ST8SIA2: variants seen among roughly 807,000 people sequenced by gnomAD.
The protein encoded by ST8SIA2 is alpha-2,8-sialyltransferase 8B.
In ST8SIA2, 22 loss-of-function variants were observed where a neutral mutation model predicts 37.6. That is an observed-to-expected ratio of 0.58 (90% CI 0.42 to 0.83). ST8SIA2 has a LOEUF of 0.83. Among genes scored for constraint, ST8SIA2 ranks in the 40% least tolerant of loss-of-function variants. The pLI is 0.00. For synonymous variants in ST8SIA2, 205 were observed against 201.2 expected (o/e 1.02, Z -0.16); for missense variants, 382 against 484.7 (o/e 0.79, Z 1.99).
At chr15:92,420,427 C>A (rs755065229) in intron 1 of ST8SIA2, among the ~76,000 whole-genome samples, 1 of 152,068 alleles carries the variant, frequency 6.6e-6, no homozygotes, top group Non-Finnish European at 1.5e-5. Context: ...TGTGCAGATG[C>A]CTCTAAGTAC....
At chr15:92,427,300 T>TA (rs1400164366) in intron 1 of ST8SIA2, among the ~76,000 whole-genome samples, 3 of 149,208 alleles carry the variant, frequency 2.0e-5, no homozygotes, top group African/African-American at 7.4e-5. Context: ...AATGCATCCC[T>TA]ACTGTCTCTT....
chr15:92,432,472 A>G (rs2141829583), intron 2 of ST8SIA2, among the ~76,000 whole-genome samples: 1 of 152,302 alleles, frequency 6.6e-6, no homozygotes, highest in Non-Finnish European at 1.5e-5. Flanking sequence ...TGTCTCTTCT[A>G]CACCTTGTTT....
intron 4 of ST8SIA2, among the ~76,000 whole-genome samples, chr15:92,440,881 C>T (rs543803209): frequency 1.3e-5 from 2 of 152,336 alleles, no homozygotes; most frequent in South Asian, 2.1e-4. Context: ...GATGGTTTCT[C>T]CCACACAACA....
chr15:92,445,142 A>G, intron 5 of ST8SIA2: 1 of 674,030 alleles, frequency 1.5e-6, no homozygotes, highest in Admixed American at 2.4e-5. Context: ...ATTTTGACCA[A>G]TGGGTAGTGC....
intron 1 of ST8SIA2, among the ~76,000 whole-genome samples, chr15:92,426,229 G>A (rs2049674604): frequency 6.6e-6 from 1 of 152,120 alleles, no homozygotes; most frequent in Non-Finnish European, 1.5e-5. Context: ...TAATAGAATT[G>A]AGTGCTTTGG....
chr15:92,402,536 G>A (rs540018506), intron 1 of ST8SIA2, among the ~76,000 whole-genome samples: 81 of 152,256 alleles, frequency 5.3e-4, no homozygotes, highest in Admixed American at 1.2e-3. Flanking sequence ...GAAGAGATGC[G>A]TGCTTGTATT....
chr15:92,420,310 G>A lies in ST8SIA2; in HGVS notation c.99-9739G>A, dbSNP rs112910090. 3.0e-3 allele frequency among the ~76,000 whole-genome samples: 462 copies of A among 152,246 alleles called. 2 individuals carry two copies. The highest frequency in any genetic ancestry group is 0.01 in the African/African-American group (427 of 41,540). On this transcript the variant is annotated intron_variant, in intron 1 of 5. Transcript: ENST00000268164. ...GGATGATAAGTTATATTGTCCCCCC[G>A]CCGGTTATAGGTGACCCACAGTTTC...
At chr15:92,430,309 T>C (rs2049706142) in intron 2 of ST8SIA2, among the ~76,000 whole-genome samples, 198 bp downstream of exon 2, 1 of 152,218 alleles carries the variant, frequency 6.6e-6, no homozygotes, top group African/African-American at 2.4e-5. Context: ...GTCTAGAGGC[T>C]GCAGAGATGG....
chr15:92,434,846 A>G (rs1207347828), intron 3 of ST8SIA2, among the ~76,000 whole-genome samples: 1 of 152,288 alleles, frequency 6.6e-6, no homozygotes, highest in East Asian at 1.9e-4. Flanking sequence ...TGAAAATGAA[A>G]ACCTAGAGCC....
intron 1 of ST8SIA2, among the ~76,000 whole-genome samples, chr15:92,413,760 C>G (rs1402794668): frequency 6.6e-6 from 1 of 152,240 alleles, no homozygotes; most frequent in African/African-American, 2.4e-5. Context: ...TTGGATTCTT[C>G]TAATCCCTAG....
chr15:92,453,279 G>C (rs1423471332), intron 5 of ST8SIA2, among the ~76,000 whole-genome samples: 1 of 152,078 alleles, frequency 6.6e-6, no homozygotes, highest in African/African-American at 2.4e-5. Context: ...AGACCTCTCT[G>C]AACCAGCCAC....
At chr15:92,456,335 C>T (rs546715740) in intron 5 of ST8SIA2, among the ~76,000 whole-genome samples, 1 of 129,660 alleles carries the variant, frequency 7.7e-6, no homozygotes, top group East Asian at 2.5e-4. Flanking sequence ...CTGATAATGT[C>T]CCCAGAATGA....
chr15:92,394,004 C>G lies in ST8SIA2; in HGVS notation c.-61C>G, dbSNP rs1038623503. 3.5e-5 allele frequency: 47 copies of G among 1,339,430 alleles called. 1 individual carries two copies. Among genetic ancestry groups the G allele is most frequent in the Non-Finnish European group, 4.5e-5 (45 of 992,098 alleles). 83.0% of individuals were successfully genotyped at this position (1,339,430 alleles called of 1,614,324 possible). A position where few individuals can be genotyped will look rare whatever the true frequency, so the allele number is the denominator to read the frequency against. Reference sequence around the variant, plus strand: ...GCGGAGGCTCCGGCGTCCGCCGCTGCGCCCTCCGGCCCCTGCTCCTCGCGC... The same window carrying G: ...GCGGAGGCTCCGGCGTCCGCCGCTGGGCCCTCCGGCCCCTGCTCCTCGCGC... On this transcript the variant is annotated 5_prime_UTR_variant, in exon 1 of 6. Transcript: ENST00000268164.
intron 1 of ST8SIA2, 39 bp downstream of exon 1, chr15:92,394,201 C>A (rs1274141495): frequency 5.4e-6 from 8 of 1,494,840 alleles, no homozygotes; most frequent in African/African-American, 1.4e-5. Context: ...CGAGCCCTGG[C>A]GGGATCTCTC....
At position 92,464,663 on chromosome 15, in the gene ST8SIA2, G is replaced by C. The variant is rs142364311; in HGVS notation, c.*278G>C. On this transcript the variant is annotated 3_prime_UTR_variant, in exon 6 of 6. Transcript: ENST00000268164. ...CAGATTGAGACTCAATCCATCTTTG[G>C]GGGTGGAAGGACTTGACATGAAAAG... is the stretch of plus-strand genomic sequence containing the variant. 2.1e-6 allele frequency: 1 copy of C among 469,508 alleles called. No individual in the cohort carries two copies. The highest frequency in any genetic ancestry group is 3.8e-6 in the Non-Finnish European group (1 of 260,884). The allele number at this position is 469,508 out of a possible 1,614,324, so 29.1% of individuals were successfully genotyped here.
chr15:92,447,225 G>A (rs981081269), intron 5 of ST8SIA2, among the ~76,000 whole-genome samples: 8 of 152,118 alleles, frequency 5.3e-5, no homozygotes, highest in Non-Finnish European at 8.8e-5. Flanking sequence ...ATGGGGGAGA[G>A]AAAGAGAAAA....
intron 1 of ST8SIA2, among the ~76,000 whole-genome samples, chr15:92,401,800 C>A (rs1248653402): frequency 6.6e-6 from 1 of 151,358 alleles, no homozygotes; most frequent in African/African-American, 2.4e-5. Flanking sequence ...GGAAACAATT[C>A]CTCCTCCTCC....
intron 4 of ST8SIA2, 123 bp from the exon 5 acceptor site, chr15:92,444,513 A>T (rs2049826011): frequency 1.7e-6 from 2 of 1,190,436 alleles, no homozygotes; most frequent in Non-Finnish European, 2.5e-6. Context: ...GTGTGGAGAG[A>T]TGCCCTGGGT....
chr15:92,438,386 G>C lies in ST8SIA2; in HGVS notation c.324G>C (p.Lys108Asn). 6.2e-7 allele frequency: 1 copy of C among 1,614,190 alleles called. No individual in the cohort carries two copies. The highest frequency in any genetic ancestry group is 8.5e-7 in the Non-Finnish European group (1 of 1,180,036). The stretch of plus-strand genomic sequence containing the variant: ...TTTTAAAGTTCTTGGATGCTGAAAA[G>C]GACATTTCTGTCCTAAAGGGAACCC... ...KQILKFLDAE[K>N]DISVLKGTLK... Residue 108 changes from lysine to asparagine, a missense_variant, in exon 4 of 6, where the codon AAG becomes AAC. Transcript: ENST00000268164.
Sources: gnomAD v4.1 joint callset for allele counts (sites outside exome capture counted in the v4.1 genomes callset) on GRCh38, gnomAD v4.1.1 for gene constraint, MANE v1.5 for transcripts, NCBI Gene and HGNC (gene_info 2026-07-23, HGNC 2026-07-21) for gene names.